Variants in CAMTA1 observed in about 807,000 individuals in gnomAD.
CAMTA1 encodes calmodulin-binding transcription activator 1.
CAMTA1 carries 27 observed loss-of-function variants against 170.9 expected under a neutral mutation model. The ratio of observed to expected loss-of-function variants is 0.16; its 90% CI spans 0.12 to 0.22. CAMTA1 has a LOEUF of 0.22. CAMTA1 is among the 10% of genes least tolerant of loss of function. The pLI, the probability that CAMTA1 is intolerant of heterozygous loss-of-function variation, is 1.00. For synonymous variants in CAMTA1, 833 were observed against 891.5 expected, an observed-to-expected ratio of 0.93 and a Z score of 1.17; for missense variants, 1,619 against 2,217.2, an observed-to-expected ratio of 0.73 and a Z score of 5.42.
At chr1:7,500,069 G>A (rs1016598411) in intron 6 of CAMTA1, among the ~76,000 whole-genome samples, 6 of 104,678 alleles carry the variant, frequency 5.7e-5, no homozygotes, top group Admixed American at 5.7e-4. Flanking sequence ...ACGTATATGA[G>A]TGTGTGTGTG....
intron 6 of CAMTA1, among the ~76,000 whole-genome samples, chr1:7,498,156 T>G (rs903327327): frequency 3.3e-5 from 5 of 149,816 alleles, no homozygotes; most frequent in African/African-American, 1.0e-4. Flanking sequence ...TACTGGAGAT[T>G]TGTGAGTGTG....
chr1:7,330,333 G>T (rs1256940020), intron 5 of CAMTA1, among the ~76,000 whole-genome samples: 1 of 152,214 alleles, frequency 6.6e-6, no homozygotes, highest in African/African-American at 2.4e-5. Flanking sequence ...GCCCGCTCTT[G>T]TTTGGACCAC....
At chr1:7,232,292 G>GT (rs1233476902) in intron 4 of CAMTA1, among the ~76,000 whole-genome samples, 1 of 342 alleles carries the variant, frequency 2.9e-3, no homozygotes, top group East Asian at 0.5. Flanking sequence ...GCACACGGCT[G>GT]CCCCGGCTTC....
intron 4 of CAMTA1, among the ~76,000 whole-genome samples, chr1:7,230,151 GCT>G (rs529262170): frequency 6.6e-6 from 1 of 152,190 alleles, no homozygotes; most frequent in African/African-American, 2.4e-5. Flanking sequence ...GCCTGGCCTG[GCT>G]CCTGGCCCGG....
At position 7,347,379 on chromosome 1, in the gene CAMTA1, A is replaced by G. The variant is rs1424645408; in HGVS notation, c.438+97753A>G. ...GCCCAGGCAGCTCCAGAGCCCAGCC[A>G]GTCGGGCCTCTGCCGTCACACCAGC... On this transcript the variant is annotated intron_variant, in intron 5 of 22. Transcript: ENST00000303635. Among the ~76,000 whole-genome samples, 13 of 152,324 alleles carry G rather than the reference A, an allele frequency of 8.5e-5. 1 individual carries two copies. In the South Asian group the frequency reaches 2.5e-3, roughly 29 times the overall value.
At chr1:7,483,209 A>G (rs1368031490) in intron 6 of CAMTA1, among the ~76,000 whole-genome samples, 2 of 152,118 alleles carry the variant, frequency 1.3e-5, no homozygotes, top group East Asian at 3.9e-4. Context: ...GGTTGCATGG[A>G]TGGAGATTTG....
chr1:7,632,496 C>T (rs2095677815), intron 6 of CAMTA1, among the ~76,000 whole-genome samples: 1 of 152,244 alleles, frequency 6.6e-6, no homozygotes, highest in Non-Finnish European at 1.5e-5. Flanking sequence ...GACCACTTAG[C>T]GTTGATGAAG....
chr1:6,796,146 T>G (rs1409251341), intron 1 of CAMTA1, among the ~76,000 whole-genome samples: 1 of 141,790 alleles, frequency 7.1e-6, no homozygotes, highest in Non-Finnish European at 1.5e-5. Context: ...TTTTTTTTTT[T>G]TTTTTTTTTT....
chr1:7,729,114 C>CTTTT lies in CAMTA1; in HGVS notation c.2915-3328_2915-3325dup, dbSNP rs146252158. On this transcript the variant is annotated intron_variant, in intron 11 of 22. Transcript: ENST00000303635. ...TTTATTAGAAATTAATATGAGGAAT[C>CTTTT]TTTTTTTTTCTTTTTTTTTTGAGAC... is the stretch of plus-strand genomic sequence containing the variant. Among the ~76,000 whole-genome samples the CTTTT allele has an allele frequency of 1.3e-4, 19 of 142,272 alleles. 2 individuals carry two copies. Among genetic ancestry groups the CTTTT allele is most frequent in the South Asian group, 2.3e-4 (1 of 4,324 alleles). 93.3% of individuals were successfully genotyped at this position (142,272 alleles called of 152,430 possible).
chr1:6,963,714 T>TG (rs1315226466), intron 3 of CAMTA1, among the ~76,000 whole-genome samples: 4 of 151,962 alleles, frequency 2.6e-5, no homozygotes, highest in South Asian at 2.1e-4. Flanking sequence ...CTGACCTGGC[T>TG]GGGGGGGCGC....
chr1:7,728,511 A>G (rs2096708324), intron 11 of CAMTA1, among the ~76,000 whole-genome samples: 1 of 151,966 alleles, frequency 6.6e-6, no homozygotes, highest in Admixed American at 6.6e-5. Flanking sequence ...GATGCTGAAA[A>G]CTCGTTAACC....
rs1036359431 is a variant in CAMTA1, at chr1:6,918,794, C to T, written c.234+93584C>T. On this transcript the variant is annotated intron_variant, in intron 3 of 22. Coordinates refer to ENST00000303635, the MANE Select transcript of CAMTA1 (RefSeq NM_015215.4). The surrounding 1 kb of genome is among the most constrained non-coding windows in gnomAD (Gnocchi z 4.0). ...GTCATGCCCACCGCGTTCCCCCAGC[C>T]TGTCACCCTGTGGCTGGAGGGTGGC... Among the ~76,000 whole-genome samples the T allele has an allele frequency of 1.3e-5, 2 of 152,202 alleles. No individual in the cohort carries two copies. Among genetic ancestry groups the T allele is most frequent in the African/African-American group, 4.8e-5 (2 of 41,452 alleles).
chr1:7,351,215 G>T (rs771025590), intron 5 of CAMTA1, among the ~76,000 whole-genome samples: 2 of 152,246 alleles, frequency 1.3e-5, no homozygotes, highest in Non-Finnish European at 2.9e-5. Context: ...CTTTTCCCAG[G>T]CACGATCCTG....
intron 3 of CAMTA1, among the ~76,000 whole-genome samples, chr1:7,033,746 A>C (rs1416815622): frequency 6.6e-6 from 1 of 151,626 alleles, no homozygotes; most frequent in Non-Finnish European, 1.5e-5. Flanking sequence ...GGTGTATGCC[A>C]CCATGTCTGG....
intron 12 of CAMTA1, among the ~76,000 whole-genome samples, chr1:7,733,986 T>A (rs1460586332): frequency 1.3e-5 from 2 of 152,158 alleles, no homozygotes; most frequent in Non-Finnish European, 2.9e-5. Context: ...TCTTGCTCTG[T>A]CGCCCAGGTG....
intron 5 of CAMTA1, among the ~76,000 whole-genome samples, chr1:7,261,775 C>T (rs571952722): frequency 6.6e-6 from 1 of 152,358 alleles, no homozygotes; most frequent in Non-Finnish European, 1.5e-5. Context: ...TGATGAATAA[C>T]AAGCCCACAG....
intron 3 of CAMTA1, among the ~76,000 whole-genome samples, chr1:6,878,334 T>G (rs1430203909): frequency 1.3e-5 from 2 of 152,216 alleles, no homozygotes; most frequent in Non-Finnish European, 2.9e-5. Flanking sequence ...AAGCCTCAAG[T>G]CAAGGGCATT....
chr1:7,538,888 T>G (rs1370208974), intron 6 of CAMTA1, among the ~76,000 whole-genome samples: 1 of 152,192 alleles, frequency 6.6e-6, no homozygotes, highest in Admixed American at 6.5e-5. Context: ...TGGAGTTTCC[T>G]GGCTTCCGGT....
At chr1:7,321,892 C>A (rs1199627878) in intron 5 of CAMTA1, among the ~76,000 whole-genome samples, 1 of 152,138 alleles carries the variant, frequency 6.6e-6, no homozygotes, top group Admixed American at 6.5e-5. Context: ...TGGGTTACAC[C>A]ACCACGTAAC....
Sources: allele counts gnomAD v4.1 joint callset (sites outside exome capture counted in the v4.1 genomes callset), GRCh38; gene constraint gnomAD v4.1.1; non-coding constraint Gnocchi (gnomAD v3.1); transcripts MANE v1.5; gene names NCBI Gene and HGNC (gene_info 2026-07-23, HGNC 2026-07-21).